The following RPSA2 variants were observed in gnomAD, a reference collection of about 807,000 sequenced individuals.
The protein encoded by RPSA2 is ribosomal protein SA 2.
At chr19:23,806,139 G>C in the RPSA2 span, among the ~76,000 whole-genome samples, 7 of 148,876 alleles carry the variant, frequency 4.7e-5, no homozygotes, top group Non-Finnish European at 8.9e-5. Flanking sequence ...CCACATCCCG[G>C]GTTCAAGCAA....
At chr19:23,865,515 C>A in the RPSA2 span, among the ~76,000 whole-genome samples, 1 of 152,074 alleles carries the variant, frequency 6.6e-6, no homozygotes, top group African/African-American at 2.4e-5. Context: ...TCTCTTTATT[C>A]TGCCAGGCAA....
At chr19:23,849,291 C>A in the RPSA2 span, among the ~76,000 whole-genome samples, 3 of 150,802 alleles carry the variant, frequency 2.0e-5, no homozygotes, top group Non-Finnish European at 4.4e-5. Context: ...ATGTTCTCCA[C>A]CATAATGAAG....
At chr19:23,857,468 T>A in the RPSA2 span, among the ~76,000 whole-genome samples, 1 of 151,022 alleles carries the variant, frequency 6.6e-6, no homozygotes, top group Non-Finnish European at 1.5e-5. Context: ...ATCTATATTT[T>A]GAAGTCTTTT....
chr19:23,810,575 G>A, the RPSA2 span, among the ~76,000 whole-genome samples: 3 of 152,284 alleles, frequency 2.0e-5, no homozygotes, highest in African/African-American at 7.2e-5. Context: ...TGTGATGAGA[G>A]TGGCTTTCAC....
chr19:23,869,949 A>G, the RPSA2 span, among the ~76,000 whole-genome samples: 2 of 152,196 alleles, frequency 1.3e-5, no homozygotes, highest in Admixed American at 6.5e-5. Flanking sequence ...GCAATACTCA[A>G]TTGACCTTAA....
At chr19:23,788,649 A>T in the RPSA2 span, among the ~76,000 whole-genome samples, 8 of 152,090 alleles carry the variant, frequency 5.3e-5, no homozygotes, top group Non-Finnish European at 8.8e-5. Flanking sequence ...CCCTGCCATA[A>T]GGGAATTGTG....
chr19:23,848,393 A>G, the RPSA2 span, among the ~76,000 whole-genome samples: 1 of 152,280 alleles, frequency 6.6e-6, no homozygotes, highest in African/African-American at 2.4e-5. Context: ...AAACAAGCCG[A>G]TTAAACAGAT....
the RPSA2 span, among the ~76,000 whole-genome samples, chr19:23,773,913 C>G: frequency 6.6e-6 from 1 of 152,130 alleles, no homozygotes; most frequent in Non-Finnish European, 1.5e-5. Flanking sequence ...TTCCTAAAAC[C>G]AGAACATGTG....
the RPSA2 span, among the ~76,000 whole-genome samples, chr19:23,791,786 CTG>C: frequency 0.98 from 148,011 of 151,322 alleles, 72,476 homozygotes; most frequent in Middle Eastern, 1. Context: ...ATCTCTGAGA[CTG>C]GAGTGCAGTG....
chr19:23,804,294 C>CTTT, the RPSA2 span, among the ~76,000 whole-genome samples: 4 of 142,502 alleles, frequency 2.8e-5, no homozygotes, highest in Admixed American at 7.0e-5. Flanking sequence ...CCTCATTTTT[C>CTTT]TTTTTCTTTT....
At chr19:23,797,835 A>G in the RPSA2 span, among the ~76,000 whole-genome samples, 1 of 152,230 alleles carries the variant, frequency 6.6e-6, no homozygotes, top group Admixed American at 6.5e-5. Flanking sequence ...CACAATGTGC[A>G]AAATGTAGAT....
At chr19:23,842,165 G>C in the RPSA2 span, among the ~76,000 whole-genome samples, 1 of 152,138 alleles carries the variant, frequency 6.6e-6, no homozygotes, top group Non-Finnish European at 1.5e-5. Context: ...AAATCTCCAG[G>C]TTATTGATGT....
At chr19:23,870,420 GTGTAACCAACTTAGAA>G in the RPSA2 span, among the ~76,000 whole-genome samples, 6 of 151,802 alleles carry the variant, frequency 4.0e-5, no homozygotes, top group Admixed American at 6.6e-5. Context: ...ACTCATATTT[GTGTAACCAACTTAGAA>G]TATAACCAAA....
At chr19:23,833,611 A>C in the RPSA2 span, among the ~76,000 whole-genome samples, 101 of 152,234 alleles carry the variant, frequency 6.6e-4, no homozygotes, top group African/African-American at 2.1e-3. Flanking sequence ...ACAGGAAAGC[A>C]TTTATAAGCA....
chr19:23,815,642 T>A, the RPSA2 span, among the ~76,000 whole-genome samples: 17 of 152,328 alleles, frequency 1.1e-4, no homozygotes, highest in East Asian at 3.1e-3. Flanking sequence ...ACTCAGGTAT[T>A]CCTCTATATG....
chr19:23,854,568 G>C, the RPSA2 span, among the ~76,000 whole-genome samples: 1 of 152,194 alleles, frequency 6.6e-6, no homozygotes, highest in Non-Finnish European at 1.5e-5. Context: ...TGTGGCAAGG[G>C]ATTTCCATCT....
chr19:23,866,513 G>GCCCCCCC, the RPSA2 span, among the ~76,000 whole-genome samples: 10 of 142,280 alleles, frequency 7.0e-5, no homozygotes, highest in Non-Finnish European at 7.7e-5. Flanking sequence ...ACAATGTGGT[G>GCCCCCCC]CCCCCCCCCG....
chr19:23,834,859 A>G, the RPSA2 span, among the ~76,000 whole-genome samples: 5 of 152,220 alleles, frequency 3.3e-5, no homozygotes, highest in African/African-American at 1.2e-4. Context: ...TAAATGGCCA[A>G]TAAGTTAAAA....
chr19:23,799,703 AAGAT>A, the RPSA2 span, among the ~76,000 whole-genome samples: 8 of 142,758 alleles, frequency 5.6e-5, no homozygotes, highest in African/African-American at 1.0e-4. Flanking sequence ...AGTAGCCAAA[AAGAT>A]AGCACCCTAT....
Sources: allele counts gnomAD v4.1 joint callset (sites outside exome capture counted in the v4.1 genomes callset), GRCh38; gene constraint gnomAD v4.1.1; transcripts MANE v1.5; gene names NCBI Gene and HGNC (gene_info 2026-07-23, HGNC 2026-07-21).